TMEM51: variants seen among roughly 807,000 people sequenced by gnomAD.
TMEM51 encodes the protein chromosome 1 open reading frame 72.
Under a neutral mutation model 13.6 loss-of-function variants are expected in TMEM51, and 8 were observed. That is an observed-to-expected ratio of 0.59 (90% confidence interval 0.35 to 1.07). TMEM51 has a LOEUF of 1.07. Among genes scored for constraint, TMEM51 ranks in the 50% least tolerant of loss-of-function variants. The pLI is 0.02. For missense variants in TMEM51, 279 were observed against 330.7 expected (o/e 0.84, Z 1.21); for synonymous variants, 147 against 144.4 (o/e 1.02, Z -0.13).
intron 1 of TMEM51, among the ~76,000 whole-genome samples, chr1:15,203,237 G>C (rs1644188901): frequency 1.3e-5 from 2 of 152,026 alleles, no homozygotes; most frequent in African/African-American, 4.8e-5. Context: ...CTTGGTGACT[G>C]TGTACCTGGC....
chr1:15,167,332 A>C (rs1216408598), intron 1 of TMEM51, among the ~76,000 whole-genome samples: 13 of 127,330 alleles, frequency 1.0e-4, no homozygotes, highest in Admixed American at 2.9e-4. Flanking sequence ...ATCTCAAAAA[A>C]AAAAAAAAAA....
chr1:15,156,248 C>G (rs1642589246), intron 1 of TMEM51, among the ~76,000 whole-genome samples: 1 of 152,176 alleles, frequency 6.6e-6, no homozygotes, highest in South Asian at 2.1e-4. Context: ...CTGGGAGTTT[C>G]TCTGTCTGCG....
intron 1 of TMEM51, among the ~76,000 whole-genome samples, chr1:15,157,874 G>A (rs888341055): frequency 2.6e-5 from 4 of 152,190 alleles, no homozygotes; most frequent in African/African-American, 7.2e-5. Context: ...AGATGACATC[G>A]TGAAGGCTGG....
chr1:15,215,000 G>A lies in TMEM51; in HGVS notation c.-88G>A, dbSNP rs1316304645. ...AGTGTGGGGCGAGAGATTTTGTGGA[G>A]CGCATTTAAGGGGTTTTTGTTGTGA... On this transcript the variant is annotated 5_prime_UTR_variant, in exon 3 of 4. Coordinates refer to ENST00000376008, the MANE Select transcript of TMEM51 (RefSeq NM_001136218.2). 6 of 1,228,052 alleles carry A rather than the reference G, an allele frequency of 4.9e-6. No homozygotes were observed. In the African/African-American group the frequency reaches 6.0e-5, roughly 12 times the overall value. The allele number at this position is 1,228,052 out of a possible 1,614,324, so 76.1% of individuals were successfully genotyped here.
Position 15,205,450 on chromosome 1 carries a change from C to T in TMEM51, c.-266-5040C>T, listed in dbSNP as rs561774002. 4.9e-4 allele frequency among the ~76,000 whole-genome samples: 74 copies of T among 152,288 alleles called. 1 individual carries two copies. Among genetic ancestry groups the T allele is most frequent in the Admixed American group, 1.1e-3 (17 of 15,306 alleles). On this transcript the variant is annotated intron_variant, in intron 1 of 3. Coordinates refer to ENST00000376008, the MANE Select transcript of TMEM51 (RefSeq NM_001136218.2). ...CTGATCTCTTACCCCCAAATTCCAC[C>T]CACAGGAAGGCCACAGAGGCCTCAA...
At chr1:15,195,201 G>A (rs993021778) in intron 1 of TMEM51, among the ~76,000 whole-genome samples, 1 of 151,920 alleles carries the variant, frequency 6.6e-6, no homozygotes, top group African/African-American at 2.4e-5. Flanking sequence ...CCAAAGTGCT[G>A]GGATTACAAG....
chr1:15,187,176 ACCCCCAT>A (rs1643804247), intron 1 of TMEM51, among the ~76,000 whole-genome samples: 1 of 150,514 alleles, frequency 6.6e-6, no homozygotes, highest in Non-Finnish European at 1.5e-5. Context: ...CCAACACAGC[ACCCCCAT>A]CCCCCAACCC....
chr1:15,216,389 CATAGATGTTCAACCA>C (rs1296064509), intron 3 of TMEM51, among the ~76,000 whole-genome samples: 3 of 152,132 alleles, frequency 2.0e-5, no homozygotes, highest in South Asian at 4.2e-4. Flanking sequence ...ATGAATATTC[CATAGATGTTCAACCA>C]ATAGATGTTC....
At chr1:15,156,201 C>T (rs6659540) in intron 1 of TMEM51, among the ~76,000 whole-genome samples, 33,789 of 151,998 alleles carry the variant, frequency 0.22, 5,069 homozygotes, top group African/African-American at 0.43. Flanking sequence ...CCTCCAGCTG[C>T]GACTCTCCGG....
At position 15,207,664 on chromosome 1, in the gene TMEM51, T is replaced by C. The variant is rs1557855779; in HGVS notation, c.-266-2826T>C. On this transcript the variant is annotated intron_variant, in intron 1 of 3. Transcript: ENST00000376008. This position sits in a 1 kb window ranked among gnomAD's most constrained non-coding sequence, Gnocchi z 4.6. Reference sequence around the variant, plus strand: ...GGTTGGCCAGGGGTGTGCACACGAGTGGAAAGAGCCTCTGCCCAGCGTGGA... The same window carrying C: ...GGTTGGCCAGGGGTGTGCACACGAGCGGAAAGAGCCTCTGCCCAGCGTGGA... Among the ~76,000 whole-genome samples, 3 of 152,016 alleles carry C rather than the reference T, an allele frequency of 2.0e-5. No homozygotes were observed. The highest frequency in any genetic ancestry group is 4.8e-5 in the African/African-American group (2 of 41,360).
chr1:15,213,545 TC>T (rs1644375613), intron 2 of TMEM51, among the ~76,000 whole-genome samples: 1 of 152,164 alleles, frequency 6.6e-6, no homozygotes, highest in African/African-American at 2.4e-5. Flanking sequence ...TTGCTCCTCC[TC>T]CTCAGTCCTT....
chr1:15,166,637 T>G (rs773000310), intron 1 of TMEM51, among the ~76,000 whole-genome samples: 3 of 152,084 alleles, frequency 2.0e-5, no homozygotes, highest in Non-Finnish European at 2.9e-5. Flanking sequence ...GAGAACCCCT[T>G]GAACCCAGGA....
Position 15,215,093 on chromosome 1 carries a change from G to T in TMEM51, c.6G>T (p.Met2Ile). 6.2e-7 allele frequency: 1 copy of T among 1,602,436 alleles called. No individual in the cohort carries two copies. Among genetic ancestry groups the T allele is most frequent in the South Asian group, 1.1e-5 (1 of 90,876 alleles). M[M>I]AQSKANGSHY... ...CTCGCCCTCCTCCCACTGACATGAT[G>T]GCCCAGTCCAAGGCCAATGGCTCGC... Residue 2 changes from methionine to isoleucine, a missense_variant, in exon 3 of 4, where the codon ATG becomes ATT. Physicochemically the swap from Met to Ile is conservative, Grantham distance 10 (BLOSUM62 1). Coordinates refer to ENST00000376008, the MANE Select transcript of TMEM51 (RefSeq NM_001136218.2).
At chr1:15,203,409 C>G (rs1644193154) in intron 1 of TMEM51, among the ~76,000 whole-genome samples, 1 of 150,656 alleles carries the variant, frequency 6.6e-6, no homozygotes, top group African/African-American at 2.5e-5. Context: ...CGTGCGCCAC[C>G]CCTCCCGGCT....
intron 1 of TMEM51, among the ~76,000 whole-genome samples, chr1:15,176,695 G>A (rs1643466466): frequency 6.6e-6 from 1 of 152,226 alleles, no homozygotes; most frequent in East Asian, 1.9e-4. Context: ...CCTGCACAAA[G>A]TGCATGGTCA....
intron 1 of TMEM51, among the ~76,000 whole-genome samples, chr1:15,188,332 T>C (rs1035423659): frequency 6.6e-6 from 1 of 152,208 alleles, no homozygotes; most frequent in African/African-American, 2.4e-5. Flanking sequence ...TCACTGGTGC[T>C]GACTGGGCCA....
chr1:15,173,277 T>G (rs1348495505), intron 1 of TMEM51, among the ~76,000 whole-genome samples: 2 of 145,136 alleles, frequency 1.4e-5, no homozygotes, highest in East Asian at 4.1e-4. Context: ...TAGAGTGCAG[T>G]GGCGCAATCT....
intron 1 of TMEM51, chr1:15,192,411 C>A (rs971152746): frequency 5.1e-6 from 2 of 392,328 alleles, no homozygotes; most frequent in South Asian, 2.2e-5. Flanking sequence ...TCCAGGTCAG[C>A]GTTTGGCAGT....
chr1:15,170,355 T>TTA (rs1553198645), intron 1 of TMEM51, among the ~76,000 whole-genome samples: 30 of 135,854 alleles, frequency 2.2e-4, no homozygotes, highest in East Asian at 4.4e-4. Context: ...GGTTTTTTTT[T>TTA]ATCTTTTTTT....
Sources: allele counts gnomAD v4.1 joint callset (sites outside exome capture counted in the v4.1 genomes callset), GRCh38; gene constraint gnomAD v4.1.1; non-coding constraint Gnocchi (gnomAD v3.1); transcripts MANE v1.5; gene names NCBI Gene and HGNC (gene_info 2026-07-23, HGNC 2026-07-21).